Variants in PRKCQ observed in about 807,000 individuals in gnomAD.
PRKCQ encodes the protein protein kinase C theta, also known as protein kinase C theta type.
A neutral mutation model predicts 91.2 loss-of-function variants in PRKCQ; 41 were observed. The observed-to-expected ratio is 0.45, with a 90% CI of 0.35 to 0.58. PRKCQ has a LOEUF of 0.58. Ranked by LOEUF, PRKCQ falls within the 20% of genes least tolerant of loss-of-function variation. The probability of loss-of-function intolerance (pLI) is 0.00; values close to 1 mark genes in which losing one functional copy is unlikely to be tolerated. For missense variants in PRKCQ, 673 were observed against 896.5 expected (o/e 0.75, Z 3.18); for synonymous variants, 307 against 316.9 (o/e 0.97, Z 0.33).
At chr10:6,425,223 C>A (rs1309860718), downstream of PRKCQ, among the ~76,000 whole-genome samples, 5 of 127,400 alleles carry the variant, frequency 3.9e-5, no homozygotes, top group Admixed American at 9.2e-5. Flanking sequence ...GGTCTCTCCT[C>A]TATTTTTTTT....
intron 1 of PRKCQ, among the ~76,000 whole-genome samples, chr10:6,523,381 G>A (rs996631653): frequency 6.6e-6 from 1 of 152,174 alleles, no homozygotes; most frequent in Non-Finnish European, 1.5e-5. Context: ...AGCCCAGGAT[G>A]TCGAGGCTGC....
At chr10:6,413,559 TA>T in the PRKCQ span, among the ~76,000 whole-genome samples, 17 of 33,466 alleles carry the variant, frequency 5.1e-4, 3 homozygotes, top group African/African-American at 2.5e-3. Flanking sequence ...ACACACACAC[TA>T]GGAAGCACTG....
the PRKCQ span, among the ~76,000 whole-genome samples, chr10:6,400,143 C>A: frequency 6.6e-6 from 1 of 152,212 alleles, no homozygotes; most frequent in South Asian, 2.1e-4. Context: ...CTGGAGATGT[C>A]GGCTGCTGAC....
intron 1 of PRKCQ, among the ~76,000 whole-genome samples, chr10:6,565,404 T>C (rs1204651689): frequency 3.9e-5 from 6 of 152,254 alleles, no homozygotes; most frequent in Admixed American, 6.5e-5. Flanking sequence ...TTTTCTTCTC[T>C]ATGAAAATAA....
At chr10:6,398,255 C>T in the PRKCQ span, among the ~76,000 whole-genome samples, 13 of 152,246 alleles carry the variant, frequency 8.5e-5, no homozygotes, top group South Asian at 2.1e-4. Context: ...TCTAGTCTTA[C>T]GCCAGTACCA....
intron 15 of PRKCQ, among the ~76,000 whole-genome samples, chr10:6,446,894 C>T (rs61840390): frequency 0.18 from 27,808 of 152,154 alleles, 2,732 homozygotes; most frequent in Non-Finnish European, 0.23. Flanking sequence ...GAGCAAGCCT[C>T]ATCTGTTCTC....
At chr10:6,460,616 A>G (rs929665491) in intron 14 of PRKCQ, among the ~76,000 whole-genome samples, 3 of 151,990 alleles carry the variant, frequency 2.0e-5, no homozygotes, top group African/African-American at 4.8e-5. Context: ...CTCAGCTTCT[A>G]AAGTAGCTGG....
Position 6,497,164 on chromosome 10 carries a change from A to G in PRKCQ, c.575-44T>C. On this transcript the variant is annotated intron_variant, in intron 6 of 17. Transcript: ENST00000263125. The surrounding 1 kb of genome is among the most constrained non-coding windows in gnomAD (Gnocchi z 4.5). ...TCACAGCTTAAGATTTTCATAGCCT[A>G]AGGAATAACTAAATAAAAAGAATGA... The G allele has an allele frequency of 1.2e-6, 2 of 1,613,824 alleles. No individual in the cohort carries two copies. Among genetic ancestry groups the G allele is most frequent in the Non-Finnish European group, 1.7e-6 (2 of 1,179,694 alleles).
the PRKCQ span, among the ~76,000 whole-genome samples, chr10:6,411,312 A>G: frequency 6.6e-6 from 1 of 152,212 alleles, no homozygotes; most frequent in African/African-American, 2.4e-5. Flanking sequence ...CCTGGCACAT[A>G]GTAGGCACTC....
At chr10:6,518,513 A>T (rs1838863874) in intron 1 of PRKCQ, among the ~76,000 whole-genome samples, 2 of 152,094 alleles carry the variant, frequency 1.3e-5, no homozygotes, top group Non-Finnish European at 2.9e-5. Flanking sequence ...AAAAAGAATT[A>T]TAATATTTAA....
chr10:6,459,862 C>T (rs1588692578), intron 14 of PRKCQ, among the ~76,000 whole-genome samples: 1 of 152,162 alleles, frequency 6.6e-6, no homozygotes, highest in Non-Finnish European at 1.5e-5. Flanking sequence ...CTTATGGCAG[C>T]CCTTCAAAAC....
In PRKCQ at chr10:6,546,682, G is replaced by C. The variant is rs549990197; in HGVS notation, c.-9-31538C>G. 6.6e-5 allele frequency among the ~76,000 whole-genome samples: 10 copies of C among 152,210 alleles called. No homozygotes were observed. In the East Asian group the frequency reaches 1.7e-3, roughly 27 times the overall value. On this transcript the variant is annotated intron_variant, in intron 1 of 17. Transcript: ENST00000263125. Reference sequence around the variant, plus strand: ...TACAGTCATGTCGTCTGCAAACAGGGACAATTTGACTTCCTCTTTTCCTAA... The same window carrying C: ...TACAGTCATGTCGTCTGCAAACAGGCACAATTTGACTTCCTCTTTTCCTAA...
chr10:6,549,246 G>C (rs1456157322), intron 1 of PRKCQ, among the ~76,000 whole-genome samples: 4 of 152,178 alleles, frequency 2.6e-5, no homozygotes, highest in Non-Finnish European at 5.9e-5. Flanking sequence ...GTATCATGGA[G>C]AAAGCAGTAT....
intron 1 of PRKCQ, among the ~76,000 whole-genome samples, chr10:6,579,465 C>T (rs1469827600): frequency 1.3e-5 from 2 of 152,116 alleles, no homozygotes; most frequent in East Asian, 3.9e-4. Flanking sequence ...GACCTCTCTT[C>T]ATGCCCACGG....
At chr10:6,549,108 A>G (rs1375256732) in intron 1 of PRKCQ, among the ~76,000 whole-genome samples, 1 of 152,182 alleles carries the variant, frequency 6.6e-6, no homozygotes, top group Non-Finnish European at 1.5e-5. Flanking sequence ...GAGCGATGGA[A>G]CAGCTCTGAA....
At chr10:6,424,589 T>C (rs1833074351), downstream of PRKCQ, among the ~76,000 whole-genome samples, 1 of 152,228 alleles carries the variant, frequency 6.6e-6, no homozygotes, top group Non-Finnish European at 1.5e-5. Flanking sequence ...TGTTTAAGGC[T>C]GATGCTTCCT....
chr10:6,556,283 C>A (rs1840411002), intron 1 of PRKCQ, among the ~76,000 whole-genome samples: 1 of 151,680 alleles, frequency 6.6e-6, no homozygotes, highest in African/African-American at 2.4e-5. Flanking sequence ...ATTTAAGAAA[C>A]CAGCTGGGTG....
rs987660157 is a variant in PRKCQ, at chr10:6,569,525, G to T, written c.-10+10686C>A. 2.6e-5 allele frequency among the ~76,000 whole-genome samples: 4 copies of T among 152,162 alleles called. 1 individual carries two copies. Among genetic ancestry groups the T allele is most frequent in the Admixed American group, 2.6e-4 (4 of 15,274 alleles). ...TGGGTAGCCTTTGGAGAACTTAAGAGCAGGGAGTGGCACACTGGGTTCCAG... is the reference window on the plus strand; with the variant it reads ...TGGGTAGCCTTTGGAGAACTTAAGATCAGGGAGTGGCACACTGGGTTCCAG... On this transcript the variant is annotated intron_variant, in intron 1 of 17. Transcript: ENST00000263125.
At chr10:6,472,259 G>C (rs752561378) in intron 12 of PRKCQ, among the ~76,000 whole-genome samples, 9 of 152,090 alleles carry the variant, frequency 5.9e-5, no homozygotes, top group Non-Finnish European at 1.0e-4. Flanking sequence ...AGTGAGCCGA[G>C]ATCGCACCAC....
Sources: allele counts gnomAD v4.1 joint callset (sites outside exome capture counted in the v4.1 genomes callset), GRCh38; gene constraint gnomAD v4.1.1; non-coding constraint Gnocchi (gnomAD v3.1); transcripts MANE v1.5; gene names NCBI Gene and HGNC (gene_info 2026-07-23, HGNC 2026-07-21).